TPRKB: variants seen among roughly 807,000 people sequenced by gnomAD.
TPRKB encodes the protein EKC/KEOPS complex subunit TPRKB.
TPRKB carries 11 observed loss-of-function variants against 17.8 expected under a neutral mutation model. The ratio of observed to expected loss-of-function variants is 0.62; its 90% confidence interval spans 0.39 to 1.02. TPRKB has a LOEUF of 1.02. TPRKB is among the 50% of genes least tolerant of loss of function. TPRKB has a pLI of 0.00. For missense variants in TPRKB, 228 were observed against 198.0 expected, an observed-to-expected ratio of 1.15 and a Z score of -0.91; for synonymous variants, 71 against 69.5, an observed-to-expected ratio of 1.02 and a Z score of -0.11.
chr2:73,732,432 C>A, intron 2 of TPRKB, 147 bp from the exon 3 acceptor site: 1 of 961,274 alleles, frequency 1.0e-6, no homozygotes, highest in South Asian at 1.7e-5. Context: ...ATTATCCCGG[C>A]TGGGCACGGT....
At chr2:73,732,110 G>A in intron 3 of TPRKB, 53 bp downstream of exon 3, 1 of 1,579,012 alleles carries the variant, frequency 6.3e-7, no homozygotes, top group Non-Finnish European at 8.6e-7. Flanking sequence ...CAACACTGAG[G>A]AACACATATG....
At chr2:73,734,826 C>T (rs1293152630) in intron 1 of TPRKB, among the ~76,000 whole-genome samples, 3 of 152,178 alleles carry the variant, frequency 2.0e-5, no homozygotes, top group Non-Finnish European at 4.4e-5. Context: ...GCTGTTTGTT[C>T]AGATGAGGCA....
intron 2 of TPRKB, among the ~76,000 whole-genome samples, chr2:73,734,134 C>T (rs1283784503): frequency 4.5e-5 from 6 of 133,594 alleles, no homozygotes; most frequent in African/African-American, 1.7e-4. Flanking sequence ...GAGTTTTGCT[C>T]GTCGCCCAGG....
chr2:73,732,308 T>C (rs1671652870), intron 2 of TPRKB, 23 bp from the exon 3 acceptor site: 1 of 1,607,258 alleles, frequency 6.2e-7, no homozygotes, highest in Non-Finnish European at 8.5e-7. Flanking sequence ...GGAAAAAGAA[T>C]TAATTACACA....
intron 4 of TPRKB, 115 bp downstream of exon 4, chr2:73,730,445 T>G (rs1671545070): frequency 4.4e-6 from 3 of 688,402 alleles, no homozygotes; most frequent in Non-Finnish European, 6.9e-6. Flanking sequence ...TTTTTAAAAT[T>G]AGATTAACTT....
intron 2 of TPRKB, 53 bp downstream of exon 2, chr2:73,734,376 G>A: frequency 1.9e-6 from 3 of 1,565,448 alleles, no homozygotes; most frequent in South Asian, 2.4e-5. Flanking sequence ...TGGCATTACA[G>A]GCGTGAGCCA....
intron 1 of TPRKB, among the ~76,000 whole-genome samples, chr2:73,736,125 GAATT>G (rs1212260079): frequency 1.3e-5 from 2 of 152,048 alleles, no homozygotes; most frequent in South Asian, 2.1e-4. Flanking sequence ...CTCTTATTTA[GAATT>G]AATTTGACTT....
intron 2 of TPRKB, among the ~76,000 whole-genome samples, chr2:73,733,628 G>A (rs1012226203): frequency 6.6e-6 from 1 of 152,006 alleles, no homozygotes; most frequent in Non-Finnish European, 1.5e-5. Context: ...ATTAGACCCA[G>A]ACCACAACCT....
At chr2:73,731,852 C>G (rs558213533) in intron 3 of TPRKB, 1 of 213,258 alleles carries the variant, frequency 4.7e-6, no homozygotes, top group Admixed American at 5.3e-5. Flanking sequence ...AAAATATCCA[C>G]GCCTAATGTT....
At chr2:73,734,179 A>T (rs1180373664) in intron 2 of TPRKB, among the ~76,000 whole-genome samples, 1 of 151,030 alleles carries the variant, frequency 6.6e-6, no homozygotes, top group Non-Finnish European at 1.5e-5. Flanking sequence ...GCTCACTGCA[A>T]CCTCTGCCTC....
At chr2:73,733,331 T>G (rs1444074730) in intron 2 of TPRKB, among the ~76,000 whole-genome samples, 2 of 142,576 alleles carry the variant, frequency 1.4e-5, no homozygotes, top group Non-Finnish European at 3.0e-5. Flanking sequence ...CAATCTCAAT[T>G]CACTGTAACC....
At chr2:73,733,814 CTTTTTT>C (rs755122123) in intron 2 of TPRKB, among the ~76,000 whole-genome samples, 1 of 114,026 alleles carries the variant, frequency 8.8e-6, no homozygotes, top group African/African-American at 3.9e-5. Context: ...CTCATTCATT[CTTTTTT>C]TTTTTTTTTT....
intron 4 of TPRKB, 25 bp from the exon 5 acceptor site, chr2:73,730,054 G>T: frequency 6.5e-7 from 1 of 1,533,318 alleles, no homozygotes; most frequent in South Asian, 1.2e-5. Flanking sequence ...GACAAATTAT[G>T]ACTTGCTGAT....
intron 3 of TPRKB, 46 bp downstream of exon 3, chr2:73,732,115 CAT>C (rs765191393): frequency 5.0e-6 from 8 of 1,591,234 alleles, no homozygotes; most frequent in Admixed American, 3.5e-5. Flanking sequence ...CTGAGGAACA[CAT>C]ATGTTATTAT....
At chr2:73,736,493 C>T (rs1164863742) in intron 1 of TPRKB, among the ~76,000 whole-genome samples, 1 of 152,182 alleles carries the variant, frequency 6.6e-6, no homozygotes, top group Non-Finnish European at 1.5e-5. Context: ...CCTTAGAAAA[C>T]TTCAAAATAG....
At chr2:73,736,110 G>A (rs1473513800) in intron 1 of TPRKB, among the ~76,000 whole-genome samples, 2 of 152,050 alleles carry the variant, frequency 1.3e-5, no homozygotes, top group African/African-American at 4.8e-5. Flanking sequence ...AAAAGTTAAT[G>A]TTATCTCTTA....
intron 2 of TPRKB, among the ~76,000 whole-genome samples, chr2:73,733,814 C>CTTTTTTTTTTT (rs755122123): frequency 8.8e-6 from 1 of 114,040 alleles, no homozygotes; most frequent in African/African-American, 3.9e-5. Flanking sequence ...CTCATTCATT[C>CTTTTTTTTTTT]TTTTTTTTTT....
At chr2:73,736,415 CA>C (rs1227379705) in intron 1 of TPRKB, among the ~76,000 whole-genome samples, 1 of 152,002 alleles carries the variant, frequency 6.6e-6, no homozygotes, top group Non-Finnish European at 1.5e-5. Flanking sequence ...AGTAAGCACA[CA>C]AAACATGAGT....
intron 2 of TPRKB, among the ~76,000 whole-genome samples, chr2:73,733,254 G>GTTTTTTTTTT (rs756367573): frequency 7.5e-6 from 1 of 133,860 alleles, no homozygotes; most frequent in African/African-American, 2.9e-5. Context: ...CTGTTTTTTT[G>GTTTTTTTTTT]TTTTTTTTTT....
Sources: allele counts gnomAD v4.1 joint callset (sites outside exome capture counted in the v4.1 genomes callset), GRCh38; gene constraint gnomAD v4.1.1; transcripts MANE v1.5; gene names NCBI Gene and HGNC (gene_info 2026-07-23, HGNC 2026-07-21).